The following CCDC80 variants were observed in gnomAD, a reference collection of about 807,000 sequenced individuals.
CCDC80 encodes the protein coiled-coil domain-containing protein 80.
Under a neutral mutation model 78.7 loss-of-function variants are expected in CCDC80, and 49 were observed. That is an observed-to-expected ratio of 0.62 (90% CI 0.50 to 0.79). The LOEUF is 0.79. CCDC80 is among the 30% of genes least tolerant of loss of function. The pLI is 0.00. For synonymous variants in CCDC80, 488 were observed against 447.0 expected (o/e 1.09, Z -1.16); for missense variants, 1,205 against 1,198.6 (o/e 1.01, Z -0.08).
At chr3:112,633,673 A>C (rs554398574) in intron 2 of CCDC80, among the ~76,000 whole-genome samples, 1 of 152,056 alleles carries the variant, frequency 6.6e-6, no homozygotes, top group East Asian at 1.9e-4. Context: ...TGGTGAAAAC[A>C]CTCTCCCTTA....
At chr3:112,611,895 C>A (rs1163523619) in intron 5 of CCDC80, among the ~76,000 whole-genome samples, 4 of 152,114 alleles carry the variant, frequency 2.6e-5, no homozygotes, top group Non-Finnish European at 5.9e-5. Flanking sequence ...GAGTTTTCAA[C>A]CCCAAAGAAA....
At chr3:112,637,898 GCTT>G in intron 2 of CCDC80, 127 bp downstream of exon 2, 4 of 1,417,894 alleles carry the variant, frequency 2.8e-6, no homozygotes, top group Non-Finnish European at 3.7e-6. Context: ...AGACTTCTGA[GCTT>G]CTTGACACAG....
At chr3:112,636,866 T>C (rs1205389781) in intron 2 of CCDC80, among the ~76,000 whole-genome samples, 1 of 152,204 alleles carries the variant, frequency 6.6e-6, no homozygotes, top group Non-Finnish European at 1.5e-5. Context: ...TATTGATCTT[T>C]TACTCAGAAT....
chr3:112,638,007 G>T (rs202108367), intron 2 of CCDC80, 21 bp downstream of exon 2: 1 of 1,575,512 alleles, frequency 6.3e-7, no homozygotes, highest in East Asian at 2.2e-5. Flanking sequence ...ATAGAAGAAT[G>T]CCAAGGAGAA....
intron 2 of CCDC80, among the ~76,000 whole-genome samples, chr3:112,635,502 G>A (rs1936189997): frequency 6.6e-6 from 1 of 152,158 alleles, no homozygotes; most frequent in African/African-American, 2.4e-5. Flanking sequence ...CACCAACAAT[G>A]TTTTTCACCC....
At position 112,623,302 on chromosome 3, in the gene CCDC80, A is replaced by C. The variant is rs186837723; in HGVS notation, c.2036-4198T>G. 3.1e-4 allele frequency among the ~76,000 whole-genome samples: 47 copies of C among 152,296 alleles called. No homozygotes were observed. The East Asian group carries it at 6.4e-3, about 21-fold the overall frequency. On this transcript the variant is annotated intron_variant, in intron 3 of 7. Coordinates refer to ENST00000206423, the MANE Select transcript of CCDC80 (RefSeq NM_199511.3). ...CTGCAGAAAATTCAGCTTCAGTTAT[A>C]ACATATTAAACACCAAATGTGTGCT...
chr3:112,639,799 C>G lies in CCDC80; in HGVS notation c.107G>C (p.Arg36Pro). The change falls in exon 2 of 8, where the codon CGG becomes CCG. Residue 36 changes from arginine (R) to proline (P), a missense_variant. Coordinates refer to ENST00000206423, the MANE Select transcript of CCDC80 (RefSeq NM_199511.3). ...HATIRGSHGG[R>P]KVPLVSPDSS... Reference sequence around the variant, plus strand: ...GTCCGGAGAAACCAAAGGCACTTTCCGTCCTCCGTGGCTGCCTCTAATAGT... The same window carrying G: ...GTCCGGAGAAACCAAAGGCACTTTCGGTCCTCCGTGGCTGCCTCTAATAGT... 6.2e-7 allele frequency: 1 copy of G among 1,614,158 alleles called. No homozygotes were observed. The highest frequency in any genetic ancestry group is 1.1e-5 in the South Asian group (1 of 91,082).
At chr3:112,640,178 G>T in intron 1 of CCDC80, 149 bp downstream of exon 1, 1 of 473,640 alleles carries the variant, frequency 2.1e-6, no homozygotes, top group Non-Finnish European at 3.7e-6. Flanking sequence ...CAGTCAGCAT[G>T]CTTGTACTGT....
At chr3:112,635,967 C>G (rs1257329214) in intron 2 of CCDC80, among the ~76,000 whole-genome samples, 1 of 152,156 alleles carries the variant, frequency 6.6e-6, no homozygotes, top group Non-Finnish European at 1.5e-5. Flanking sequence ...TGAAAACCCC[C>G]TTTTTTGACT....
intron 6 of CCDC80, among the ~76,000 whole-genome samples, 176 bp from the exon 7 acceptor site, chr3:112,607,432 C>G (rs1935535875): frequency 6.6e-6 from 1 of 152,122 alleles, no homozygotes; most frequent in African/African-American, 2.4e-5. Flanking sequence ...AAAATACTTT[C>G]AAAACCTCAA....
intron 2 of CCDC80, among the ~76,000 whole-genome samples, chr3:112,634,481 G>T (rs1240404257): frequency 1.3e-5 from 2 of 151,978 alleles, no homozygotes; most frequent in African/African-American, 4.8e-5. Flanking sequence ...TCTCACTATC[G>T]TCAACCTCAA....
intron 5 of CCDC80, among the ~76,000 whole-genome samples, chr3:112,615,768 TCGTC>T (rs1935722684): frequency 6.6e-6 from 1 of 152,032 alleles, no homozygotes; most frequent in Non-Finnish European, 1.5e-5. Context: ...TGACCTCTGG[TCGTC>T]CTCACTGCTA....
rs937654460 is a variant in CCDC80, at chr3:112,605,201, C to T, written c.*216G>A. 37 of 447,960 alleles carry T rather than the reference C, an allele frequency of 8.3e-5. No homozygotes were observed. The highest frequency in any genetic ancestry group is 1.2e-4 in the Admixed American group (3 of 25,198). 27.7% of individuals were successfully genotyped at this position (447,960 alleles called of 1,614,324 possible). On this transcript the variant is annotated 3_prime_UTR_variant, in exon 8 of 8. Coordinates refer to ENST00000206423, the MANE Select transcript of CCDC80 (RefSeq NM_199511.3). ...ACTATTATTTAGCACTAGAGCCCCT[C>T]CAGTTAGAAAAACAATTCTTTTAAA...
chr3:112,636,723 G>C (rs1936215191), intron 2 of CCDC80, among the ~76,000 whole-genome samples: 1 of 152,132 alleles, frequency 6.6e-6, no homozygotes, highest in South Asian at 2.1e-4. Flanking sequence ...GTCTCTTTTG[G>C]TGGGGGAAAT....
In CCDC80 at chr3:112,641,079, G is replaced by T. The variant is rs6807798; in HGVS notation, c.-764C>A. 0.23 allele frequency: 35,085 copies of T among 152,198 alleles called. 4,603 individuals carry two copies. Among genetic ancestry groups the T allele is most frequent in the Middle Eastern group, 0.4 (119 of 294 alleles). 9.4% of individuals were successfully genotyped at this position (152,198 alleles called of 1,614,324 possible). A position where few individuals can be genotyped will look rare whatever the true frequency, so the allele number is the denominator to read the frequency against. ...ACTTCACTAAGAATTTAACAGATCA[G>T]CAAAACACCGCCTCCTTCCCATTTT... On this transcript the variant is annotated 5_prime_UTR_variant, in exon 1 of 8. In the 5' UTR this introduces an upstream ATG that the reference lacks. Coordinates refer to ENST00000206423, the MANE Select transcript of CCDC80 (RefSeq NM_199511.3).
At chr3:112,625,223 C>T (rs993328223) in intron 3 of CCDC80, among the ~76,000 whole-genome samples, 1 of 152,140 alleles carries the variant, frequency 6.6e-6, no homozygotes, top group East Asian at 1.9e-4. Flanking sequence ...TCACATATTA[C>T]ACTGGTCAAA....
At position 112,616,733 on chromosome 3, in the gene CCDC80, C is replaced by T; in HGVS notation, c.2298G>A (p.Gln766=). The T allele has an allele frequency of 6.2e-7, 1 of 1,614,180 alleles. No homozygotes were observed. The highest frequency in any genetic ancestry group is 2.2e-5 in the East Asian group (1 of 44,876). The change falls in exon 5 of 8, where the codon CAG becomes CAA. Residue 766 remains glutamine, a synonymous_variant. Transcript: ENST00000206423. ...ACCTGGATAGGAAGTTCTCCAGGGA[C>T]TGCTTTTTGTCCTCTTTGCAAACAA... ...EGIVCKEDKK[Q]SLENFLSRFR...
rs775457969 is a variant in CCDC80, at chr3:112,616,816, G to C, written c.2215C>G (p.Leu739Val). 2 of 1,614,078 alleles carry C rather than the reference G, an allele frequency of 1.2e-6. No individual in the cohort carries two copies. Among genetic ancestry groups the C allele is most frequent in the Admixed American group, 3.3e-5 (2 of 60,030 alleles). The part of the protein sequence containing the change: ...VPITMKSVFD[L>V]IDTFQSRIKD... Reference sequence around the variant, plus strand: ...ATTCGGGACTGGAAAGTATCGATCAGATCAAACACAGACTTCATTGTTATT... The same window carrying C: ...ATTCGGGACTGGAAAGTATCGATCACATCAAACACAGACTTCATTGTTATT... Residue 739 changes from leucine to valine, a missense_variant, in exon 5 of 8, where the codon CTG becomes GTG. Transcript: ENST00000206423.
chr3:112,629,543 T>C (rs1385195736), intron 3 of CCDC80, among the ~76,000 whole-genome samples: 1 of 152,220 alleles, frequency 6.6e-6, no homozygotes, highest in Non-Finnish European at 1.5e-5. Context: ...ACCATTCATA[T>C]GTAAAATTGC....
Sources: allele counts gnomAD v4.1 joint callset (sites outside exome capture counted in the v4.1 genomes callset), GRCh38; gene constraint gnomAD v4.1.1; transcripts MANE v1.5; gene names NCBI Gene and HGNC (gene_info 2026-07-23, HGNC 2026-07-21).